PTPRD: variants seen among roughly 807,000 people sequenced by gnomAD.
PTPRD encodes protein tyrosine phosphatase receptor type D, also known as receptor-type tyrosine-protein phosphatase delta.
PTPRD carries 34 observed loss-of-function variants against 214.5 expected under a neutral mutation model. That is an observed-to-expected ratio of 0.16 (90% CI 0.12 to 0.21). PTPRD has a LOEUF of 0.21. Ranked by LOEUF, PTPRD falls within the 10% of genes least tolerant of loss-of-function variation. The pLI, the probability that PTPRD is intolerant of heterozygous loss-of-function variation, is 1.00. For synonymous variants in PTPRD, 1,128 were observed against 845.7 expected, an observed-to-expected ratio of 1.33 and a Z score of -5.79; for missense variants, 2,545 against 2,398.7, an observed-to-expected ratio of 1.06 and a Z score of -1.27.
At chr9:10,118,168 A>T (rs1411274361) in intron 3 of PTPRD, among the ~76,000 whole-genome samples, 1 of 151,562 alleles carries the variant, frequency 6.6e-6, no homozygotes, top group African/African-American at 2.4e-5. Context: ...GTAATTGCTC[A>T]ATGGCTGAAG....
At chr9:9,090,948 C>T (rs1480375496) in intron 10 of PTPRD, 13 of 1,566,768 alleles carry the variant, frequency 8.3e-6, no homozygotes, top group East Asian at 4.5e-5. Flanking sequence ...GCTGCGGCCA[C>T]GTGCAGCCTA....
intron 11 of PTPRD, among the ~76,000 whole-genome samples, chr9:8,901,279 C>T (rs1384556543): frequency 6.6e-6 from 1 of 152,142 alleles, no homozygotes; most frequent in Non-Finnish European, 1.5e-5. Context: ...GCTCAGAAAG[C>T]CACCTAAACT....
intron 7 of PTPRD, among the ~76,000 whole-genome samples, chr9:9,676,292 ACAG>A (rs1305390457): frequency 1.0e-5 from 1 of 97,830 alleles, no homozygotes; most frequent in African/African-American, 4.0e-5. Context: ...CCACCCCACA[ACAG>A]GCCCCAGTGT....
At chr9:8,608,553 A>G (rs955456327) in intron 14 of PTPRD, among the ~76,000 whole-genome samples, 1 of 152,032 alleles carries the variant, frequency 6.6e-6, no homozygotes, top group African/African-American at 2.4e-5. Flanking sequence ...TGTCTCTCCC[A>G]TATCTTCTTA....
At chr9:9,291,748 T>C (rs919534426) in intron 9 of PTPRD, among the ~76,000 whole-genome samples, 8 of 150,188 alleles carry the variant, frequency 5.3e-5, no homozygotes, top group Admixed American at 4.7e-4. Flanking sequence ...ACATGTTTCT[T>C]ATTTCGGAAG....
chr9:9,591,082 A>G (rs916468072), intron 7 of PTPRD, among the ~76,000 whole-genome samples: 1 of 152,038 alleles, frequency 6.6e-6, no homozygotes, highest in Non-Finnish European at 1.5e-5. Context: ...TTGCAGAAGC[A>G]ATGAAGACTA....
chr9:9,344,067 T>G (rs562020796), intron 9 of PTPRD, among the ~76,000 whole-genome samples: 1 of 152,258 alleles, frequency 6.6e-6, no homozygotes, highest in Admixed American at 6.5e-5. Context: ...AATGCACATC[T>G]CTCAATTACA....
At chr9:10,484,105 A>G (rs945291605) in intron 2 of PTPRD, among the ~76,000 whole-genome samples, 1 of 152,134 alleles carries the variant, frequency 6.6e-6, no homozygotes, top group Admixed American at 6.5e-5. Flanking sequence ...ACCATGGAAT[A>G]CTGCTTGGTC....
rs146691738 is a variant in PTPRD at position 8,632,121 on chromosome 9, TTG to T, written c.352+1194_352+1195del. ...TTTCTCAGCCTCTTGAATTGCTTCT[TTG>T]TGTGTGTGTGTGTGTGTGTGTGTGT... On this transcript the variant is annotated intron_variant, in intron 14 of 45. Transcript: ENST00000381196. 3.3e-3 allele frequency among the ~76,000 whole-genome samples: 477 copies of T among 144,434 alleles called. 3 individuals carry two copies. The highest frequency in any genetic ancestry group is 0.022 in the East Asian group (109 of 4,948). The allele number at this position is 144,434 out of a possible 152,430, so 94.8% of individuals were successfully genotyped here.
intron 9 of PTPRD, among the ~76,000 whole-genome samples, chr9:9,289,034 C>T (rs1234573727): frequency 1.3e-5 from 2 of 151,856 alleles, no homozygotes; most frequent in African/African-American, 4.8e-5. Flanking sequence ...TATCCAGTTT[C>T]AGGCATGTCT....
intron 14 of PTPRD, among the ~76,000 whole-genome samples, chr9:8,589,747 G>A (rs1323818184): frequency 6.6e-6 from 1 of 152,254 alleles, no homozygotes; most frequent in East Asian, 1.9e-4. Context: ...AATCAACAAA[G>A]TCATGCTTCC....
intron 2 of PTPRD, among the ~76,000 whole-genome samples, chr9:10,588,666 C>T (rs1244025523): frequency 2.0e-5 from 3 of 151,930 alleles, no homozygotes. Context: ...TATTAAATTA[C>T]TAAGTATATT....
rs549562029 is a variant in PTPRD, at chr9:9,650,324, A to C, written c.-286-75543T>G. On this transcript the variant is annotated intron_variant, in intron 7 of 45. Transcript: ENST00000381196. The stretch of plus-strand genomic sequence containing the variant: ...CTTTATAAATTACCCAGTCTCAGGT[A>C]GTTCTTTATAGCATTGTGAAAATGG... Among the ~76,000 whole-genome samples, 31 of 152,316 alleles carry C rather than the reference A, an allele frequency of 2.0e-4. No homozygotes were observed. In the South Asian group the frequency reaches 3.5e-3, roughly 17 times the overall value.
At chr9:9,752,335 G>A (rs2098528628) in intron 6 of PTPRD, among the ~76,000 whole-genome samples, 1 of 152,038 alleles carries the variant, frequency 6.6e-6, no homozygotes, top group African/African-American at 2.4e-5. Context: ...GGCTTAAATG[G>A]TATCATGGAA....
chr9:8,399,044 T>C (rs755303741), intron 36 of PTPRD, among the ~76,000 whole-genome samples: 9 of 151,552 alleles, frequency 5.9e-5, no homozygotes, highest in Non-Finnish European at 1.2e-4. Flanking sequence ...AAATCTGTTT[T>C]GGTGAGAGTC....
chr9:10,532,926 C>G (rs1003638023), intron 2 of PTPRD, among the ~76,000 whole-genome samples: 28 of 151,906 alleles, frequency 1.8e-4, no homozygotes, highest in African/African-American at 6.8e-4. Flanking sequence ...AAAACTCATG[C>G]TGATACATGA....
intron 3 of PTPRD, among the ~76,000 whole-genome samples, chr9:10,168,045 T>A (rs2099170326): frequency 6.6e-6 from 1 of 152,174 alleles, no homozygotes; most frequent in African/African-American, 2.4e-5. Flanking sequence ...AAGGAGGCAA[T>A]TCACGTGTTT....
At chr9:10,594,875 GCTA>G (rs903009185) in intron 2 of PTPRD, among the ~76,000 whole-genome samples, 4 of 151,984 alleles carry the variant, frequency 2.6e-5, no homozygotes, top group African/African-American at 7.2e-5. Flanking sequence ...AATGAAAAAT[GCTA>G]CTTAGTTATG....
chr9:10,219,621 T>C (rs974308425), intron 3 of PTPRD, among the ~76,000 whole-genome samples: 2 of 151,860 alleles, frequency 1.3e-5, no homozygotes, highest in African/African-American at 4.8e-5. Flanking sequence ...TTAAATTGGT[T>C]CCGGATTTCC....
Sources: gnomAD v4.1 joint callset for allele counts (sites outside exome capture counted in the v4.1 genomes callset) on GRCh38, gnomAD v4.1.1 for gene constraint, MANE v1.5 for transcripts, NCBI Gene and HGNC (gene_info 2026-07-23, HGNC 2026-07-21) for gene names.